The following PCDH9 variants were observed in gnomAD, a reference collection of about 807,000 sequenced individuals.
The protein encoded by PCDH9 is protocadherin 9, also known as protocadherin-9.
Under a neutral mutation model 70.6 loss-of-function variants are expected in PCDH9, and 24 were observed. That is an observed-to-expected ratio of 0.34 (90% CI 0.25 to 0.48). PCDH9 has a LOEUF of 0.48. PCDH9 is among the 20% of genes least tolerant of loss of function. The pLI, the probability that PCDH9 is intolerant of heterozygous loss-of-function variation, is 0.99. For synonymous variants in PCDH9, 562 were observed against 558.5 expected (o/e 1.01, Z -0.09); for missense variants, 1,281 against 1,503.6 (o/e 0.85, Z 2.45).
chr13:66,324,615 G>A (rs1184143087), intron 4 of PCDH9, among the ~76,000 whole-genome samples: 2 of 151,950 alleles, frequency 1.3e-5, no homozygotes, highest in Non-Finnish European at 2.9e-5. Context: ...AAGTGAAAAT[G>A]CAGCCATTGG....
intron 3 of PCDH9, among the ~76,000 whole-genome samples, chr13:66,720,709 GTTTAA>G (rs2078931344): frequency 6.6e-6 from 1 of 152,078 alleles, no homozygotes; most frequent in Non-Finnish European, 1.5e-5. Flanking sequence ...GTGAAATGAT[GTTTAA>G]TTTTCAGTTC....
intron 4 of PCDH9, among the ~76,000 whole-genome samples, chr13:66,449,899 C>A (rs991486153): frequency 3.3e-5 from 5 of 151,994 alleles, no homozygotes; most frequent in Admixed American, 2.0e-4. Context: ...ATGTGAGAGA[C>A]CTTTTAATGC....
At chr13:66,406,663 C>G (rs1200235234) in intron 4 of PCDH9, among the ~76,000 whole-genome samples, 2 of 152,164 alleles carry the variant, frequency 1.3e-5, no homozygotes, top group Non-Finnish European at 2.9e-5. Context: ...AAGTTATATT[C>G]TTAATCTCTG....
intron 2 of PCDH9, among the ~76,000 whole-genome samples, chr13:67,132,720 C>T (rs540150775): frequency 6.6e-6 from 1 of 152,018 alleles, no homozygotes; most frequent in African/African-American, 2.4e-5. Context: ...CTTTTTATGA[C>T]TACAGATATG....
chr13:66,601,734 T>C (rs1425786659), intron 4 of PCDH9, among the ~76,000 whole-genome samples: 1 of 145,942 alleles, frequency 6.9e-6, no homozygotes, highest in Non-Finnish European at 1.5e-5. Flanking sequence ...GGCCTGTGTA[T>C]AGGATGTGAT....
chr13:66,371,000 G>C (rs1433811476), intron 4 of PCDH9, among the ~76,000 whole-genome samples: 1 of 152,078 alleles, frequency 6.6e-6, no homozygotes, highest in African/African-American at 2.4e-5. Context: ...TTATTAGAAA[G>C]TTAGAAATGA....
intron 4 of PCDH9, among the ~76,000 whole-genome samples, chr13:66,384,498 C>T (rs1956896679): frequency 6.6e-6 from 1 of 152,110 alleles, no homozygotes; most frequent in Admixed American, 6.5e-5. Context: ...CTAACATATC[C>T]AGTCTCTTGC....
At chr13:66,556,677 T>C (rs535558430) in intron 4 of PCDH9, among the ~76,000 whole-genome samples, 1 of 152,296 alleles carries the variant, frequency 6.6e-6, no homozygotes, top group East Asian at 1.9e-4. Flanking sequence ...CTGCATAATT[T>C]AATCATAAAA....
intron 2 of PCDH9, among the ~76,000 whole-genome samples, chr13:67,040,346 C>T (rs888589582): frequency 2.0e-5 from 3 of 152,112 alleles, no homozygotes; most frequent in African/African-American, 7.2e-5. Flanking sequence ...TGGTGGTAAA[C>T]ACCTGCTAGT....
chr13:66,379,550 T>G (rs1179609212), intron 4 of PCDH9, among the ~76,000 whole-genome samples: 1 of 152,098 alleles, frequency 6.6e-6, no homozygotes, highest in Non-Finnish European at 1.5e-5. Context: ...TGACACCAAT[T>G]CTGCATAAAT....
intron 3 of PCDH9, among the ~76,000 whole-genome samples, chr13:66,843,347 C>T (rs1339507161): frequency 2.8e-5 from 1 of 35,446 alleles, no homozygotes; most frequent in African/African-American, 5.9e-5. Flanking sequence ...TACACACATG[C>T]ACATACATAC....
chr13:67,099,463 A>C (rs1474580853), intron 2 of PCDH9, among the ~76,000 whole-genome samples: 1 of 152,176 alleles, frequency 6.6e-6, no homozygotes, highest in Non-Finnish European at 1.5e-5. Context: ...TATATATCTA[A>C]CTTAAGGGAG....
chr13:67,203,240 C>T (rs1163995996), intron 2 of PCDH9: 3 of 151,976 alleles, frequency 2.0e-5, no homozygotes, highest in African/African-American at 7.2e-5. Flanking sequence ...CTTAAATTGG[C>T]TAACAAATTT....
chr13:67,229,012 C>T (rs1056416663), intron 1 of PCDH9, among the ~76,000 whole-genome samples: 5 of 152,140 alleles, frequency 3.3e-5, no homozygotes, highest in African/African-American at 1.2e-4. Flanking sequence ...TCTTCTCTGC[C>T]CCACTGAGTC....
chr13:67,051,085 G>C (rs1029592943), intron 2 of PCDH9, among the ~76,000 whole-genome samples: 2 of 152,128 alleles, frequency 1.3e-5, no homozygotes, highest in African/African-American at 4.8e-5. Flanking sequence ...CAAGGGATCA[G>C]ACTCTGCTCA....
chr13:67,066,655 A>C (rs1275623835), intron 2 of PCDH9, among the ~76,000 whole-genome samples: 1 of 152,204 alleles, frequency 6.6e-6, no homozygotes, highest in Non-Finnish European at 1.5e-5. Flanking sequence ...AGAATTTTTA[A>C]TGAGGCCTTT....
chr13:66,478,967 T>C (rs1050420519), intron 4 of PCDH9, among the ~76,000 whole-genome samples: 1 of 152,188 alleles, frequency 6.6e-6, no homozygotes, highest in African/African-American at 2.4e-5. Context: ...GAGAAGTCAA[T>C]GCCTGGGTTC....
intron 4 of PCDH9, among the ~76,000 whole-genome samples, chr13:66,386,367 A>T (rs983710041): frequency 3.3e-5 from 5 of 152,112 alleles, no homozygotes; most frequent in Admixed American, 2.6e-4. Flanking sequence ...GTATTCTACT[A>T]CACTCCACCC....
intron 4 of PCDH9, among the ~76,000 whole-genome samples, chr13:66,496,381 G>C (rs1394238922): frequency 2.0e-5 from 3 of 152,044 alleles, no homozygotes; most frequent in Non-Finnish European, 1.5e-5. Flanking sequence ...TGTAGCTACT[G>C]ATTGTCCTAA....
Sources: allele counts gnomAD v4.1 joint callset (sites outside exome capture counted in the v4.1 genomes callset), GRCh38; gene constraint gnomAD v4.1.1; transcripts MANE v1.5; gene names NCBI Gene and HGNC (gene_info 2026-07-23, HGNC 2026-07-21).